Variants in ARHGAP15 observed in about 807,000 individuals in gnomAD.
The protein encoded by ARHGAP15 is rho GTPase-activating protein 15.
In ARHGAP15, 51 loss-of-function variants were observed where a neutral mutation model predicts 63.7. That is an observed-to-expected ratio of 0.80 (90% CI 0.64 to 1.01). The LOEUF (loss-of-function observed/expected upper bound fraction) is 1.01. ARHGAP15 is among the 50% of genes least tolerant of loss of function. The pLI is 0.00. For synonymous variants in ARHGAP15, 191 were observed against 193.8 expected, an observed-to-expected ratio of 0.99 and a Z score of 0.12; for missense variants, 560 against 564.6, an observed-to-expected ratio of 0.99 and a Z score of 0.08.
chr2:143,484,962 A>G lies in ARHGAP15; in HGVS notation c.704-2411A>G, dbSNP rs148879804. On this transcript the variant is annotated intron_variant, in intron 8 of 13. Transcript: ENST00000295095. ...TGGAAACTGCTCATAGCCAAAGAAT[A>G]TACAGTACAACTGCCACAAGGACTC... is the stretch of plus-strand genomic sequence containing the variant. 4.5e-4 allele frequency among the ~76,000 whole-genome samples: 69 copies of G among 152,296 alleles called. No individual in the cohort carries two copies. The East Asian group carries it at 0.013, about 28-fold the overall frequency.
intron 8 of ARHGAP15, among the ~76,000 whole-genome samples, chr2:143,482,688 A>T (rs879927494): frequency 2.0e-5 from 3 of 152,228 alleles, no homozygotes; most frequent in Admixed American, 2.0e-4. Flanking sequence ...TGTTAAAATC[A>T]GATTTGTAAA....
chr2:143,652,870 A>AT (rs1681243170), intron 12 of ARHGAP15, among the ~76,000 whole-genome samples: 1 of 152,046 alleles, frequency 6.6e-6, no homozygotes, highest in African/African-American at 2.4e-5. Context: ...AGACAATAAT[A>AT]TTTTTTGGCT....
intron 6 of ARHGAP15, among the ~76,000 whole-genome samples, chr2:143,318,071 T>A (rs943333640): frequency 2.0e-5 from 3 of 152,076 alleles, no homozygotes; most frequent in African/African-American, 7.2e-5. Flanking sequence ...TGATCTCAGC[T>A]CAATGCAACC....
chr2:143,643,089 A>G (rs1009226300), intron 12 of ARHGAP15, among the ~76,000 whole-genome samples: 1 of 152,140 alleles, frequency 6.6e-6, no homozygotes, highest in Non-Finnish European at 1.5e-5. Flanking sequence ...GATGGGTTAA[A>G]TTTTATGCTG....
At chr2:143,443,165 A>G (rs10928177) in intron 8 of ARHGAP15, among the ~76,000 whole-genome samples, 135,363 of 152,210 alleles carry the variant, frequency 0.89, 60,565 homozygotes, top group Middle Eastern at 0.97. Flanking sequence ...ATATAAATAC[A>G]TATTTTAAAG....
intron 6 of ARHGAP15, among the ~76,000 whole-genome samples, chr2:143,374,568 G>A (rs1383531796): frequency 6.6e-6 from 1 of 152,002 alleles, no homozygotes; most frequent in Non-Finnish European, 1.5e-5. Flanking sequence ...GCAGTGATGT[G>A]ATCTTGGCTC....
chr2:143,419,398 C>T (rs909930890), intron 6 of ARHGAP15, among the ~76,000 whole-genome samples: 2 of 151,970 alleles, frequency 1.3e-5, no homozygotes, highest in South Asian at 4.1e-4. Context: ...CTAACAATCT[C>T]TTCTAAGAAA....
At chr2:143,449,356 C>A (rs576609545) in intron 8 of ARHGAP15, among the ~76,000 whole-genome samples, 3 of 152,206 alleles carry the variant, frequency 2.0e-5, no homozygotes, top group Middle Eastern at 6.8e-3. Flanking sequence ...TTCTACTTAT[C>A]CCTTATCTTC....
intron 13 of ARHGAP15, among the ~76,000 whole-genome samples, chr2:143,729,608 G>A (rs1451576371): frequency 6.6e-6 from 1 of 152,140 alleles, no homozygotes; most frequent in East Asian, 1.9e-4. Context: ...TCCAGTGCTT[G>A]GCATGTAGTA....
At chr2:143,530,649 C>G (rs2105014083) in intron 10 of ARHGAP15, among the ~76,000 whole-genome samples, 1 of 152,190 alleles carries the variant, frequency 6.6e-6, no homozygotes, top group Middle Eastern at 3.4e-3. Flanking sequence ...ACCATCACCA[C>G]TTTCCAGGCA....
At chr2:143,194,929 G>A (rs549841816) in intron 2 of ARHGAP15, among the ~76,000 whole-genome samples, 183 of 152,210 alleles carry the variant, frequency 1.2e-3, no homozygotes, top group African/African-American at 3.8e-3. Flanking sequence ...TTTAGCAAAC[G>A]CTTCCCTTTG....
At chr2:143,644,206 G>A (rs1465936133) in intron 12 of ARHGAP15, among the ~76,000 whole-genome samples, 1 of 152,112 alleles carries the variant, frequency 6.6e-6, no homozygotes, top group East Asian at 1.9e-4. Flanking sequence ...TAGAAATGTG[G>A]TTGGACAAAA....
intron 12 of ARHGAP15, among the ~76,000 whole-genome samples, chr2:143,674,146 T>C (rs1166447852): frequency 2.0e-5 from 3 of 152,086 alleles, no homozygotes; most frequent in Non-Finnish European, 1.5e-5. Flanking sequence ...CTTCTCCTAA[T>C]TGTATACTCA....
intron 6 of ARHGAP15, among the ~76,000 whole-genome samples, chr2:143,259,402 C>A (rs147448645): frequency 6.6e-6 from 1 of 152,042 alleles, no homozygotes; most frequent in Admixed American, 6.6e-5. Context: ...TACTAGAAAA[C>A]AATTGAACCC....
intron 6 of ARHGAP15, among the ~76,000 whole-genome samples, chr2:143,418,061 T>G (rs1295443057): frequency 1.3e-5 from 2 of 152,206 alleles, no homozygotes; most frequent in African/African-American, 4.8e-5. Flanking sequence ...ATACTATTTT[T>G]TATTGTCAGA....
chr2:143,358,067 G>A (rs1309204049), intron 6 of ARHGAP15, among the ~76,000 whole-genome samples: 3 of 152,208 alleles, frequency 2.0e-5, no homozygotes, highest in Non-Finnish European at 4.4e-5. Context: ...TGAATGTGAT[G>A]TGTGCCTTGA....
In ARHGAP15 at chr2:143,164,077, T is replaced by G. The variant is rs571580025; in HGVS notation, c.165+8422T>G. 4.9e-4 allele frequency among the ~76,000 whole-genome samples: 75 copies of G among 152,158 alleles called. 1 individual carries two copies. Among genetic ancestry groups the G allele is most frequent in the African/African-American group, 1.7e-3 (71 of 41,548 alleles). On this transcript the variant is annotated intron_variant, in intron 2 of 13. Coordinates refer to ENST00000295095, the MANE Select transcript of ARHGAP15 (RefSeq NM_018460.4). ...AGAGTTTTATTTTTTGTTTCATTCT[T>G]TTTCTTTCCACTGCCTTCAGTGTGC...
chr2:143,669,098 T>G (rs1252033840), intron 12 of ARHGAP15, among the ~76,000 whole-genome samples: 1 of 152,248 alleles, frequency 6.6e-6, no homozygotes, highest in Non-Finnish European at 1.5e-5. Flanking sequence ...ATTGAGCATT[T>G]ATGGACCAGG....
chr2:143,588,224 G>C (rs1035310447), intron 11 of ARHGAP15, among the ~76,000 whole-genome samples: 6 of 152,096 alleles, frequency 3.9e-5, no homozygotes, highest in Admixed American at 2.6e-4. Context: ...TTCTGGAGAA[G>C]CCATCTCAGT....
Sources: allele counts gnomAD v4.1 joint callset (sites outside exome capture counted in the v4.1 genomes callset), GRCh38; gene constraint gnomAD v4.1.1; transcripts MANE v1.5; gene names NCBI Gene and HGNC (gene_info 2026-07-23, HGNC 2026-07-21).